SDK1: variants seen among roughly 807,000 people sequenced by gnomAD.
The protein encoded by SDK1 is protein sidekick-1.
SDK1 carries 157 observed loss-of-function variants against 245.5 expected under a neutral mutation model. That is an observed-to-expected ratio of 0.64 (90% confidence interval 0.56 to 0.73). The LOEUF is 0.73. Ranked by LOEUF, SDK1 falls within the 30% of genes least tolerant of loss-of-function variation. The pLI is 0.00. For missense variants in SDK1, 3,583 were observed against 3,002.3 expected (o/e 1.19, Z -4.52); for synonymous variants, 1,647 against 1,278.5 (o/e 1.29, Z -6.15).
At chr7:3,942,458 GTTATC>G (rs1780403538) in intron 5 of SDK1, among the ~76,000 whole-genome samples, 1 of 152,118 alleles carries the variant, frequency 6.6e-6, no homozygotes, top group African/African-American at 2.4e-5. Flanking sequence ...TTTTCTAACT[GTTATC>G]TTATCTGGAC....
intron 30 of SDK1, among the ~76,000 whole-genome samples, chr7:4,158,111 G>A (rs1780885198): frequency 6.6e-6 from 1 of 152,182 alleles, no homozygotes; most frequent in Admixed American, 6.5e-5. Context: ...TCCCCGAGGA[G>A]CCCTGAGCAG....
chr7:3,782,265 T>A (rs1780769602), intron 4 of SDK1, among the ~76,000 whole-genome samples: 1 of 152,114 alleles, frequency 6.6e-6, no homozygotes. Flanking sequence ...CAAGAGGTGA[T>A]GGGAAAAGGT....
At chr7:3,441,401 C>CA (rs901794821) in intron 1 of SDK1, among the ~76,000 whole-genome samples, 12 of 150,650 alleles carry the variant, frequency 8.0e-5, no homozygotes, top group South Asian at 2.1e-4. Flanking sequence ...AAAAAACAAA[C>CA]AAAAAAAAAC....
chr7:3,528,390 G>T (rs953970104), intron 1 of SDK1, among the ~76,000 whole-genome samples: 1 of 151,944 alleles, frequency 6.6e-6, no homozygotes, highest in Admixed American at 6.6e-5. Context: ...GTGAGTGGTG[G>T]GAGGTGAGCC....
At chr7:3,730,894 C>T (rs1472223245) in intron 4 of SDK1, among the ~76,000 whole-genome samples, 1 of 152,020 alleles carries the variant, frequency 6.6e-6, no homozygotes, top group Non-Finnish European at 1.5e-5. Flanking sequence ...GCATCTTTGC[C>T]ATCAGTCTTT....
At chr7:4,038,231 T>C (rs1390155866) in intron 17 of SDK1, among the ~76,000 whole-genome samples, 1 of 152,208 alleles carries the variant, frequency 6.6e-6, no homozygotes, top group Non-Finnish European at 1.5e-5. Context: ...AGGCCTCAGC[T>C]ACTGCCATCC....
chr7:3,613,418 G>T (rs1014176102), intron 1 of SDK1, among the ~76,000 whole-genome samples: 3 of 152,140 alleles, frequency 2.0e-5, no homozygotes, highest in African/African-American at 4.8e-5. Flanking sequence ...ATAAAATTAT[G>T]ATGTTGTGTA....
chr7:4,118,073 A>G (rs1033844791), intron 25 of SDK1, among the ~76,000 whole-genome samples: 2 of 152,232 alleles, frequency 1.3e-5, no homozygotes, highest in Admixed American at 6.5e-5. Flanking sequence ...CAACTAAAGA[A>G]AAAGTAGATA....
At chr7:4,246,390 A>G (rs1215893500) in intron 44 of SDK1, among the ~76,000 whole-genome samples, 1 of 151,622 alleles carries the variant, frequency 6.6e-6, no homozygotes, top group Non-Finnish European at 1.5e-5. Context: ...CCCAGTGTGG[A>G]CTCCTGCCTC....
At chr7:3,339,786 C>T (rs73290073) in intron 1 of SDK1, among the ~76,000 whole-genome samples, 32 of 152,162 alleles carry the variant, frequency 2.1e-4, no homozygotes, top group African/African-American at 7.7e-4. Context: ...GTGGAAAGGT[C>T]TCAAGTCAAT....
At chr7:4,254,525 T>G (rs750036469) in intron 44 of SDK1, among the ~76,000 whole-genome samples, 6 of 152,222 alleles carry the variant, frequency 3.9e-5, no homozygotes, top group Non-Finnish European at 8.8e-5. Flanking sequence ...TACCTTTAAT[T>G]TTTTAAACAT....
In SDK1 at chr7:4,208,303, T is replaced by C; in HGVS notation, c.5401+18T>C. ...CCAGGCCGGTAGGAGGAAGGCGGGT[T>C]TCCTTTGGGCAGGCCTCCTTGGACA... On this transcript the variant is annotated intron_variant, in intron 37 of 44. Coordinates refer to ENST00000404826, the MANE Select transcript of SDK1 (RefSeq NM_152744.4). 1.9e-6 allele frequency: 3 copies of C among 1,604,880 alleles called. No homozygotes were observed. The South Asian group carries it at 3.3e-5, about 18-fold the overall frequency.
intron 1 of SDK1, among the ~76,000 whole-genome samples, chr7:3,378,822 G>C (rs1175790076): frequency 6.6e-6 from 1 of 151,850 alleles, no homozygotes; most frequent in Non-Finnish European, 1.5e-5. Context: ...CTGGGGGGCC[G>C]GCGGGGTGGG....
At chr7:3,419,603 C>G (rs1281349440) in intron 1 of SDK1, among the ~76,000 whole-genome samples, 3 of 152,166 alleles carry the variant, frequency 2.0e-5, no homozygotes, top group South Asian at 4.1e-4. Flanking sequence ...ACTCAGTTGC[C>G]TTTTGAATGC....
intron 4 of SDK1, among the ~76,000 whole-genome samples, chr7:3,725,908 A>C (rs1583346439): frequency 6.6e-6 from 1 of 152,366 alleles, no homozygotes; most frequent in East Asian, 1.9e-4. Flanking sequence ...TTCTGGGTTA[A>C]AACATGCTTA....
intron 4 of SDK1, among the ~76,000 whole-genome samples, chr7:3,664,740 A>G (rs1412946119): frequency 5.0e-5 from 2 of 39,872 alleles, no homozygotes; most frequent in African/African-American, 1.8e-4. Flanking sequence ...ACTCTGTCTC[A>G]AAAAAAAAAA....
chr7:3,593,364 A>G (rs186362615), intron 1 of SDK1, among the ~76,000 whole-genome samples: 1 of 152,182 alleles, frequency 6.6e-6, no homozygotes, highest in East Asian at 1.9e-4. Flanking sequence ...AGGTCTGGGG[A>G]TAGTATGTGA....
intron 5 of SDK1, among the ~76,000 whole-genome samples, chr7:3,919,222 C>G (rs1171483720): frequency 6.6e-6 from 1 of 152,248 alleles, no homozygotes; most frequent in Admixed American, 6.5e-5. Context: ...CCCGGCTTCT[C>G]CCCCAGGCCA....
At chr7:4,212,204 G>A (rs1327666113) in intron 38 of SDK1, among the ~76,000 whole-genome samples, 1 of 151,942 alleles carries the variant, frequency 6.6e-6, no homozygotes, top group Non-Finnish European at 1.5e-5. Context: ...TTAAAAATAA[G>A]CACATTTAGA....
Sources: allele counts gnomAD v4.1 joint callset (sites outside exome capture counted in the v4.1 genomes callset), GRCh38; gene constraint gnomAD v4.1.1; transcripts MANE v1.5; gene names NCBI Gene and HGNC (gene_info 2026-07-23, HGNC 2026-07-21).